Variants in ARID1B observed in about 807,000 individuals in gnomAD.
ARID1B encodes AT-rich interactive domain-containing protein 1B.
ARID1B carries 30 observed loss-of-function variants against 212.3 expected under a neutral mutation model. The observed-to-expected ratio is 0.14, with a 90% CI of 0.11 to 0.19. The LOEUF (loss-of-function observed/expected upper bound fraction) is 0.19, where lower values mean the gene tolerates loss of function less well. Among genes scored for constraint, ARID1B ranks in the 10% least tolerant of loss-of-function variants. ARID1B has a pLI of 1.00. For missense variants in ARID1B, 2,891 were observed against 3,204.0 expected, an observed-to-expected ratio of 0.90 and a Z score of 2.36; for synonymous variants, 1,402 against 1,301.7, an observed-to-expected ratio of 1.08 and a Z score of -1.66.
At chr6:156,920,822 G>A (rs1790719892) in intron 3 of ARID1B, among the ~76,000 whole-genome samples, 2 of 151,462 alleles carry the variant, frequency 1.3e-5, no homozygotes, top group Non-Finnish European at 2.9e-5. Context: ...ATACAGCTGT[G>A]GTTTTCTTTT....
At chr6:156,966,771 G>A (rs1169886728) in intron 4 of ARID1B, among the ~76,000 whole-genome samples, 1 of 152,128 alleles carries the variant, frequency 6.6e-6, no homozygotes, top group Non-Finnish European at 1.5e-5. Context: ...CGCGATCTCG[G>A]CTCACTGCAT....
intron 3 of ARID1B, among the ~76,000 whole-genome samples, chr6:156,930,919 A>G (rs1172147797): frequency 2.6e-5 from 4 of 152,176 alleles, no homozygotes; most frequent in Non-Finnish European, 5.9e-5. Flanking sequence ...GGCCAGGCAG[A>G]GTGGCTTATG....
rs565686119 is a variant in ARID1B at position 156,807,277 on chromosome 6, G to A, written c.1792-21950G>A. ...AGGGTGAAGGGAGCCAGCGGATCAC[G>A]TGGTGTCGGAAACGCCTTAAGCAAG... On this transcript the variant is annotated intron_variant, in intron 1 of 19. Transcript: ENST00000636930. Among the ~76,000 whole-genome samples, 5 of 152,196 alleles carry A rather than the reference G, an allele frequency of 3.3e-5. No individual in the cohort carries two copies. The South Asian group carries it at 8.3e-4, about 25-fold the overall frequency.
At chr6:156,904,221 A>G (rs1209502677) in intron 3 of ARID1B, among the ~76,000 whole-genome samples, 3 of 152,186 alleles carry the variant, frequency 2.0e-5, no homozygotes, top group Non-Finnish European at 2.9e-5. Context: ...TGTATATAGT[A>G]TATACTACAT....
chr6:156,988,165 G>A (rs988486652), intron 4 of ARID1B, among the ~76,000 whole-genome samples: 1 of 152,210 alleles, frequency 6.6e-6, no homozygotes, highest in Non-Finnish European at 1.5e-5. Flanking sequence ...AGCTGGAGAC[G>A]CACTTAGTAG....
intron 2 of ARID1B, among the ~76,000 whole-genome samples, chr6:156,892,075 T>G (rs2128189497): frequency 6.7e-6 from 1 of 148,184 alleles, no homozygotes; most frequent in African/African-American, 2.5e-5. Flanking sequence ...TTTTTTTGTA[T>G]TTTTAGTAGT....
chr6:156,784,089 A>G (rs2115081021), intron 1 of ARID1B, among the ~76,000 whole-genome samples: 1 of 152,060 alleles, frequency 6.6e-6, no homozygotes, highest in East Asian at 1.9e-4. Context: ...ATGACATTTT[A>G]CACTGCTGTT....
At chr6:156,986,448 G>T (rs1777922981) in intron 4 of ARID1B, among the ~76,000 whole-genome samples, 1 of 152,132 alleles carries the variant, frequency 6.6e-6, no homozygotes, top group African/African-American at 2.4e-5. Flanking sequence ...CCCCTGCACG[G>T]TAAAATCATC....
At chr6:156,889,161 C>T (rs2128184072) in intron 2 of ARID1B, among the ~76,000 whole-genome samples, 1 of 152,314 alleles carries the variant, frequency 6.6e-6, no homozygotes, top group African/African-American at 2.4e-5. Flanking sequence ...AGGCAACCCT[C>T]CTACCATACC....
chr6:156,960,416 A>G (rs1434739846), intron 4 of ARID1B, among the ~76,000 whole-genome samples: 1 of 152,206 alleles, frequency 6.6e-6, no homozygotes, highest in Non-Finnish European at 1.5e-5. Flanking sequence ...ATTCTAATTT[A>G]TAGTAAAATA....
At position 156,778,794 on chromosome 6, in the gene ARID1B, G is replaced by C. The variant is rs926297805; in HGVS notation, c.1114G>C (p.Gly372Arg). Residue 372 changes from glycine to arginine, a missense_variant, in exon 1 of 20, where the codon GGG becomes CGG. Coordinates refer to ENST00000636930, the MANE Select transcript of ARID1B (RefSeq NM_001374828.1). ...SMDPLQNSHE[G>R]YPNSQCNHYP... ...GGACCCCCTGCAGAACTCCCACGAA[G>C]GGTACCCCAACAGCCAGTGCAACCA... The C allele has an allele frequency of 6.6e-7, 1 of 1,505,942 alleles. No homozygotes were observed. The highest frequency in any genetic ancestry group is 8.9e-7 in the Non-Finnish European group (1 of 1,125,084). The allele number at this position is 1,505,942 out of a possible 1,614,324, so 93.3% of individuals were successfully genotyped here. A position where few individuals can be genotyped will look rare whatever the true frequency, so the allele number is the denominator to read the frequency against.
Position 157,196,213 on chromosome 6 carries a change from G to T in ARID1B, c.4280G>T (p.Ser1427Ile). 1 of 1,613,700 alleles carries T rather than the reference G, an allele frequency of 6.2e-7. No homozygotes were observed. Among genetic ancestry groups the T allele is most frequent in the Non-Finnish European group, 8.5e-7 (1 of 1,179,918 alleles). The change falls in exon 16 of 20, where the codon AGC becomes ATC. Residue 1427 changes from serine (S) to isoleucine (I), a missense_variant. By Grantham distance (142) the Ser-to-Ile change is moderately radical. Around this residue, in one of 7 missense-constraint regions of ARID1B, gnomAD observed 666 missense variants for 873.5 expected, o/e 0.76. Coordinates refer to ENST00000636930, the MANE Select transcript of ARID1B (RefSeq NM_001374828.1). ...PFMTQGQMPN[S>I]SMQDMYNQSP... is the part of the protein sequence containing the mutation. Reference sequence around the variant, plus strand: ...ATGACGCAAGGACAGATGCCCAACAGCAGCATGCAGGACATGTACAACCAA... The same window carrying T: ...ATGACGCAAGGACAGATGCCCAACATCAGCATGCAGGACATGTACAACCAA...
At chr6:157,019,150 G>C (rs747302850) in intron 4 of ARID1B, among the ~76,000 whole-genome samples, 5 of 152,212 alleles carry the variant, frequency 3.3e-5, no homozygotes, top group Non-Finnish European at 7.3e-5. Flanking sequence ...ATATTAAGCA[G>C]AATGACATGT....
chr6:157,036,792 GT>G, intron 4 of ARID1B: 1 of 488,420 alleles, frequency 2.0e-6, no homozygotes, highest in Non-Finnish European at 4.1e-6. Context: ...ACTCAAAGAG[GT>G]TTTTGATAGT....
chr6:156,981,789 G>A (rs1024487794), intron 4 of ARID1B, among the ~76,000 whole-genome samples: 1 of 152,004 alleles, frequency 6.6e-6, no homozygotes, highest in Admixed American at 6.5e-5. Flanking sequence ...TTTGCTTGGA[G>A]TTCATTACCT....
At chr6:157,171,208 G>A (rs758171308) in intron 9 of ARID1B, among the ~76,000 whole-genome samples, 3 of 152,192 alleles carry the variant, frequency 2.0e-5, no homozygotes, top group Non-Finnish European at 4.4e-5. Context: ...TTAAGAAATC[G>A]TTCTAGTTCT....
chr6:156,843,949 T>C (rs927091674), intron 2 of ARID1B, among the ~76,000 whole-genome samples: 1 of 152,078 alleles, frequency 6.6e-6, no homozygotes, highest in African/African-American at 2.4e-5. Context: ...GGGTGGGGAA[T>C]AGGTGCCCCT....
chr6:157,010,278 G>GTTTTT (rs367851681), intron 4 of ARID1B, among the ~76,000 whole-genome samples: 48 of 102,274 alleles, frequency 4.7e-4, no homozygotes, highest in African/African-American at 8.7e-4. Flanking sequence ...TGCATTGCCT[G>GTTTTT]TTTTTTTTTT....
chr6:157,142,149 G>C (rs905480837), intron 7 of ARID1B, among the ~76,000 whole-genome samples: 1 of 152,204 alleles, frequency 6.6e-6, no homozygotes, highest in Non-Finnish European at 1.5e-5. Context: ...TGACGTTGTA[G>C]AGAAATAAAA....
Sources: allele counts gnomAD v4.1 joint callset (sites outside exome capture counted in the v4.1 genomes callset), GRCh38; gene constraint gnomAD v4.1.1; regional missense constraint gnomAD v4.1.1; transcripts MANE v1.5; gene names NCBI Gene and HGNC (gene_info 2026-07-23, HGNC 2026-07-21).